RNGTT: variants seen among roughly 807,000 people sequenced by gnomAD.
RNGTT encodes RNA guanylyltransferase and 5'-phosphatase.
RNGTT carries 33 observed loss-of-function variants against 79.3 expected under a neutral mutation model. That is an observed-to-expected ratio of 0.42 (90% CI 0.32 to 0.56). The LOEUF (loss-of-function observed/expected upper bound fraction) is 0.56. Among genes scored for constraint, RNGTT ranks in the 20% least tolerant of loss-of-function variants. The pLI is 0.17. For missense variants in RNGTT, 497 were observed against 739.1 expected, an observed-to-expected ratio of 0.67 and a Z score of 3.80; for synonymous variants, 222 against 235.9, an observed-to-expected ratio of 0.94 and a Z score of 0.54.
At chr6:88,614,061 A>G (rs146400895) in intron 15 of RNGTT, among the ~76,000 whole-genome samples, 2 of 152,340 alleles carry the variant, frequency 1.3e-5, no homozygotes, top group African/African-American at 4.8e-5. Context: ...TTTTGGGTGC[A>G]TGGGCACAAG....
intron 1 of RNGTT, among the ~76,000 whole-genome samples, chr6:88,949,253 TCA>T (rs1463371453): frequency 6.7e-5 from 9 of 134,108 alleles, no homozygotes; most frequent in Non-Finnish European, 1.3e-4. Flanking sequence ...AGCAAAATAA[TCA>T]GTCTTTTTTT....
At chr6:88,769,295 G>A (rs1393003832) in intron 13 of RNGTT, among the ~76,000 whole-genome samples, 2 of 151,158 alleles carry the variant, frequency 1.3e-5, no homozygotes, top group East Asian at 1.9e-4. Context: ...CGAGTAGCTG[G>A]GACCACAGGT....
At chr6:88,689,545 G>C (rs1047910587) in intron 13 of RNGTT, among the ~76,000 whole-genome samples, 2 of 148,884 alleles carry the variant, frequency 1.3e-5, no homozygotes, top group Non-Finnish European at 3.0e-5. Context: ...AGTGAGCCGA[G>C]ATCGCGCCAT....
At chr6:88,620,848 C>A (rs537593816) in intron 14 of RNGTT, among the ~76,000 whole-genome samples, 1 of 152,104 alleles carries the variant, frequency 6.6e-6, no homozygotes, top group Non-Finnish European at 1.5e-5. Context: ...TTCCTTTAGA[C>A]GACATTATGT....
chr6:88,837,037 C>T (rs566789390), intron 11 of RNGTT, among the ~76,000 whole-genome samples: 3 of 152,190 alleles, frequency 2.0e-5, no homozygotes, highest in African/African-American at 7.2e-5. Context: ...CACTACAATC[C>T]AAATAATTCC....
chr6:88,694,309 C>G (rs746682017), intron 13 of RNGTT, among the ~76,000 whole-genome samples: 9 of 151,948 alleles, frequency 5.9e-5, no homozygotes, highest in Non-Finnish European at 8.8e-5. Flanking sequence ...TTTCTATATC[C>G]TAACAACAAA....
intron 11 of RNGTT, among the ~76,000 whole-genome samples, chr6:88,836,133 T>C (rs886404733): frequency 6.7e-6 from 1 of 149,762 alleles, no homozygotes; most frequent in Admixed American, 6.7e-5. Flanking sequence ...TCTGGGACAA[T>C]AAATCTTTAG....
intron 2 of RNGTT, among the ~76,000 whole-genome samples, chr6:88,929,538 C>T (rs1784419893): frequency 6.6e-6 from 1 of 152,082 alleles, no homozygotes; most frequent in African/African-American, 2.4e-5. Flanking sequence ...GCCAACATCA[C>T]AAAAGTCTAT....
chr6:88,901,216 A>C (rs1007872287), intron 6 of RNGTT, among the ~76,000 whole-genome samples: 3 of 152,058 alleles, frequency 2.0e-5, no homozygotes, highest in Non-Finnish European at 4.4e-5. Context: ...AAGAACAAAT[A>C]GATCTGAAAC....
chr6:88,930,933 C>A, intron 2 of RNGTT, among the ~76,000 whole-genome samples: 1 of 152,016 alleles, frequency 6.6e-6, no homozygotes, highest in East Asian at 1.9e-4. Flanking sequence ...CATAAAGAAA[C>A]CATCCAAGTA....
chr6:88,651,911 C>T (rs1582281711), intron 14 of RNGTT, among the ~76,000 whole-genome samples: 1 of 151,804 alleles, frequency 6.6e-6, no homozygotes, highest in South Asian at 2.1e-4. Flanking sequence ...TGCACATAGG[C>T]GGTGGATAGA....
At chr6:88,781,373 T>C (rs944866958) in intron 12 of RNGTT, among the ~76,000 whole-genome samples, 24 of 152,316 alleles carry the variant, frequency 1.6e-4, no homozygotes, top group Middle Eastern at 6.8e-3. Context: ...ACCTGAGACA[T>C]AATGCCTTCT....
rs140958227 is a variant in RNGTT, at chr6:88,720,522, C to T, written c.1440-42103G>A. On this transcript the variant is annotated intron_variant, in intron 13 of 15. Coordinates refer to ENST00000369485, the MANE Select transcript of RNGTT (RefSeq NM_003800.5). ...AAACCCTGGACTTAATTAGAAAGAACGACAAAAAACTTACCCTCCCAATCA... is the reference window on the plus strand; with the variant it reads ...AAACCCTGGACTTAATTAGAAAGAATGACAAAAAACTTACCCTCCCAATCA... 6.3e-3 allele frequency among the ~76,000 whole-genome samples: 960 copies of T among 152,068 alleles called. 8 individuals carry two copies. Among genetic ancestry groups the T allele is most frequent in the Non-Finnish European group, 0.011 (724 of 67,920 alleles).
chr6:88,754,464 C>A (rs1162076629), intron 13 of RNGTT, among the ~76,000 whole-genome samples: 1 of 152,082 alleles, frequency 6.6e-6, no homozygotes, highest in Non-Finnish European at 1.5e-5. Flanking sequence ...ATAAAGAACA[C>A]ATATATTTCC....
At chr6:88,638,622 A>G (rs1322702023) in intron 14 of RNGTT, among the ~76,000 whole-genome samples, 1 of 152,176 alleles carries the variant, frequency 6.6e-6, no homozygotes, top group East Asian at 1.9e-4. Flanking sequence ...CTGGCATCTT[A>G]ATCATGAATG....
chr6:88,897,975 G>A (rs575031947), intron 6 of RNGTT, among the ~76,000 whole-genome samples: 1 of 152,202 alleles, frequency 6.6e-6, no homozygotes, highest in South Asian at 2.1e-4. Context: ...GAAAAAGAGA[G>A]CACAAGAAAG....
At chr6:88,725,294 C>T (rs1300119087) in intron 13 of RNGTT, among the ~76,000 whole-genome samples, 2 of 152,100 alleles carry the variant, frequency 1.3e-5, no homozygotes, top group African/African-American at 4.8e-5. Context: ...TGGCCAGAAA[C>T]CTAGCTTAAA....
chr6:88,962,380 C>T (rs545239574), intron 1 of RNGTT, among the ~76,000 whole-genome samples: 1 of 152,162 alleles, frequency 6.6e-6, no homozygotes, highest in African/African-American at 2.4e-5. Flanking sequence ...GCCTATAATC[C>T]CAACACTTTG....
chr6:88,611,595 T>G lies in RNGTT; in HGVS notation c.*1124A>C, dbSNP rs188989261. ...ATTCAGATGTATAACAGAAATAACATCCGCAGAATAGAATGTAGATAGAAT... is the reference window on the plus strand; with the variant it reads ...ATTCAGATGTATAACAGAAATAACAGCCGCAGAATAGAATGTAGATAGAAT... On this transcript the variant is annotated 3_prime_UTR_variant, in exon 16 of 16. Coordinates refer to ENST00000369485, the MANE Select transcript of RNGTT (RefSeq NM_003800.5). 401 of 152,454 alleles carry G rather than the reference T, an allele frequency of 2.6e-3. No individual in the cohort carries two copies. Among genetic ancestry groups the G allele is most frequent in the Non-Finnish European group, 4.4e-3 (301 of 68,030 alleles). 9.4% of individuals were successfully genotyped at this position (152,454 alleles called of 1,614,324 possible). A position where few individuals can be genotyped will look rare whatever the true frequency, so the allele number is the denominator to read the frequency against.
Sources: gnomAD v4.1 joint callset for allele counts (sites outside exome capture counted in the v4.1 genomes callset) on GRCh38, gnomAD v4.1.1 for gene constraint, MANE v1.5 for transcripts, NCBI Gene and HGNC (gene_info 2026-07-23, HGNC 2026-07-21) for gene names.